MCTP1: variants seen among roughly 807,000 people sequenced by gnomAD.
MCTP1 encodes multiple C2 and transmembrane domain-containing protein 1.
In MCTP1, 69 loss-of-function variants were observed where a neutral mutation model predicts 120.6. The observed-to-expected ratio is 0.57, with a 90% confidence interval of 0.47 to 0.70. The LOEUF (loss-of-function observed/expected upper bound fraction) is 0.70. Among genes scored for constraint, MCTP1 ranks in the 30% least tolerant of loss-of-function variants. The pLI is 0.00. For missense variants in MCTP1, 1,203 were observed against 1,248.8 expected (o/e 0.96, Z 0.55); for synonymous variants, 529 against 493.1 (o/e 1.07, Z -0.96).
chr5:95,187,524 C>T (rs1337700820), intron 1 of MCTP1, among the ~76,000 whole-genome samples: 1 of 152,252 alleles, frequency 6.6e-6, no homozygotes, highest in East Asian at 1.9e-4. Flanking sequence ...CTCAGCCTCC[C>T]AAGTAGCTGG....
chr5:95,171,512 A>G (rs2152497392), intron 1 of MCTP1, among the ~76,000 whole-genome samples: 2 of 152,302 alleles, frequency 1.3e-5, no homozygotes, highest in South Asian at 4.2e-4. Flanking sequence ...GTGTTTTCCA[A>G]CTTGGTTCCA....
intron 1 of MCTP1, among the ~76,000 whole-genome samples, chr5:95,210,887 C>G (rs191922559): frequency 1.8e-4 from 27 of 152,202 alleles, no homozygotes; most frequent in African/African-American, 6.3e-4. Context: ...CAAAATCTCT[C>G]AGCATTTGCT....
intron 2 of MCTP1, among the ~76,000 whole-genome samples, chr5:94,987,825 G>A (rs1830696931): frequency 6.6e-6 from 1 of 152,164 alleles, no homozygotes. Context: ...AACTTGATAA[G>A]TGAATCCTCT....
chr5:94,850,501 AG>A (rs1456398070), intron 17 of MCTP1, among the ~76,000 whole-genome samples: 1 of 152,114 alleles, frequency 6.6e-6, no homozygotes, highest in Non-Finnish European at 1.5e-5. Context: ...ATTAGCATGG[AG>A]GGGGAAAACA....
chr5:94,775,956 ATATT>A (rs1313036009), intron 19 of MCTP1, among the ~76,000 whole-genome samples: 1 of 143,812 alleles, frequency 7.0e-6, no homozygotes, highest in Non-Finnish European at 1.5e-5. Context: ...TTATAGAAAT[ATATT>A]TATATTATAT....
intron 1 of MCTP1, among the ~76,000 whole-genome samples, chr5:95,036,302 T>G (rs1407949649): frequency 1.3e-5 from 2 of 152,224 alleles, no homozygotes; most frequent in Non-Finnish European, 2.9e-5. Context: ...ACTTGAATTT[T>G]TGAGATTATA....
intron 1 of MCTP1, among the ~76,000 whole-genome samples, chr5:95,274,241 G>A (rs1759633615): frequency 6.6e-6 from 1 of 152,180 alleles, no homozygotes; most frequent in Non-Finnish European, 1.5e-5. Context: ...TTAGGCAACA[G>A]TCTTTCAATA....
chr5:95,243,989 G>A (rs1410477760), intron 1 of MCTP1, among the ~76,000 whole-genome samples: 2 of 152,150 alleles, frequency 1.3e-5, no homozygotes, highest in African/African-American at 2.4e-5. Context: ...ACTGGATGCC[G>A]GTGTTCTAGA....
chr5:95,016,853 T>G (rs2153666756), intron 2 of MCTP1, among the ~76,000 whole-genome samples: 1 of 152,190 alleles, frequency 6.6e-6, no homozygotes, highest in Middle Eastern at 3.4e-3. Context: ...ATCTTATCCT[T>G]CGTCATGCCC....
chr5:95,030,026 C>A (rs1433525813), intron 1 of MCTP1, among the ~76,000 whole-genome samples: 1 of 152,188 alleles, frequency 6.6e-6, no homozygotes, highest in Admixed American at 6.5e-5. Flanking sequence ...TGCAGAGTTG[C>A]CTGATCTGGC....
rs780378709 is a variant in MCTP1, at chr5:94,912,788, C to A, written c.1521+18G>T. 6 of 1,529,832 alleles carry A rather than the reference C, an allele frequency of 3.9e-6. No homozygotes were observed. Among genetic ancestry groups the A allele is most frequent in the Non-Finnish European group, 5.3e-6 (6 of 1,138,642 alleles). 94.8% of individuals were successfully genotyped at this position (1,529,832 alleles called of 1,614,324 possible). A position where few individuals can be genotyped will look rare whatever the true frequency, so the allele number is the denominator to read the frequency against. On this transcript the variant is annotated intron_variant, in intron 9 of 22. Transcript: ENST00000515393. ...TGCCTTCCAAATATTGACAGGAACA[C>A]AATAGAGACAAGGTTACCTTGCTCT...
In MCTP1 at chr5:95,051,252, C is replaced by A. The variant is rs561865553; in HGVS notation, c.721-33768G>T. On this transcript the variant is annotated intron_variant, in intron 1 of 22. Coordinates refer to ENST00000515393, the MANE Select transcript of MCTP1 (RefSeq NM_024717.7). ...TGGGCTCTAGGCTAATTATTTTGGCCAAAGCCTGCCTTGTACCCCAGTCTT... is the reference window on the plus strand; with the variant it reads ...TGGGCTCTAGGCTAATTATTTTGGCAAAAGCCTGCCTTGTACCCCAGTCTT... Among the ~76,000 whole-genome samples the A allele has an allele frequency of 9.4e-4, 143 of 152,154 alleles. 3 individuals are homozygous for A. The South Asian group carries it at 0.021, about 22-fold the overall frequency.
rs143657091 is a variant in MCTP1, at chr5:94,742,886, C to T, written c.2611-28000G>A. Among the ~76,000 whole-genome samples, 1,510 of 152,162 alleles carry T rather than the reference C, an allele frequency of 9.9e-3. 18 individuals carry two copies. Among genetic ancestry groups the T allele is most frequent in the Non-Finnish European group, 0.013 (913 of 68,006 alleles). On this transcript the variant is annotated intron_variant, in intron 19 of 22. Transcript: ENST00000515393. ...AACTGTATTGAAAACCTATTATCTG[C>T]TAGGCTGGGGGAGATAACGAAAATG...
chr5:95,211,095 G>A (rs952453221), intron 1 of MCTP1, among the ~76,000 whole-genome samples: 1 of 152,004 alleles, frequency 6.6e-6, no homozygotes, highest in South Asian at 2.1e-4. Flanking sequence ...TTTCTCTCTG[G>A]CTGCCCTTAA....
chr5:95,061,414 T>TTG (rs1749115439), intron 1 of MCTP1, among the ~76,000 whole-genome samples: 3 of 12,184 alleles, frequency 2.5e-4, no homozygotes, highest in Non-Finnish European at 4.6e-4. Context: ...AAGGGTTTTT[T>TTG]TTTTTTTTTT....
In MCTP1 at chr5:95,019,190, G is replaced by A. The variant is rs1338513036; in HGVS notation, c.721-1706C>T. ...ATGATTTTATGATATACAACATGAT[G>A]ATTCAATATACATACGTTTTGTACA... On this transcript the variant is annotated intron_variant, in intron 1 of 22. Transcript: ENST00000515393. Among the ~76,000 whole-genome samples, 4 of 152,140 alleles carry A rather than the reference G, an allele frequency of 2.6e-5. No individual in the cohort carries two copies. In the East Asian group the frequency reaches 7.7e-4, roughly 29 times the overall value.
intron 2 of MCTP1, among the ~76,000 whole-genome samples, chr5:94,998,718 A>G (rs1469662230): frequency 6.6e-6 from 1 of 152,158 alleles, no homozygotes; most frequent in Non-Finnish European, 1.5e-5. Context: ...TTTGTGCCCT[A>G]TAGTTTACTT....
intron 4 of MCTP1, among the ~76,000 whole-genome samples, chr5:94,940,559 C>A (rs568278087): frequency 9.1e-6 from 1 of 109,522 alleles, no homozygotes; most frequent in African/African-American, 4.1e-5. Flanking sequence ...CACACACACA[C>A]GCAAATATAT....
At chr5:94,891,969 T>C (rs980411824) in intron 11 of MCTP1, among the ~76,000 whole-genome samples, 2 of 152,100 alleles carry the variant, frequency 1.3e-5, no homozygotes, top group African/African-American at 4.8e-5. Context: ...TGGGAAAAGA[T>C]TGAAATGCTC....
Sources: allele counts gnomAD v4.1 joint callset (sites outside exome capture counted in the v4.1 genomes callset), GRCh38; gene constraint gnomAD v4.1.1; transcripts MANE v1.5; gene names NCBI Gene and HGNC (gene_info 2026-07-23, HGNC 2026-07-21).